The following TNFRSF11A variants were observed in gnomAD, a reference collection of about 807,000 sequenced individuals.
TNFRSF11A encodes the protein tumor necrosis factor receptor superfamily member 11A.
TNFRSF11A carries 32 observed loss-of-function variants against 55.7 expected under a neutral mutation model. The ratio of observed to expected loss-of-function variants is 0.57; its 90% CI spans 0.43 to 0.77. The LOEUF is 0.77. TNFRSF11A is among the 30% of genes least tolerant of loss of function. TNFRSF11A has a pLI of 0.00. For missense variants in TNFRSF11A, 753 were observed against 809.8 expected (o/e 0.93, Z 0.85); for synonymous variants, 311 against 331.0 (o/e 0.94, Z 0.65).
rs1004106827 is a variant in TNFRSF11A at position 62,350,083 on chromosome 18, T to G, written c.283+146T>G. On this transcript the variant is annotated intron_variant, in intron 3 of 9. Coordinates refer to ENST00000586569, the MANE Select transcript of TNFRSF11A (RefSeq NM_003839.4). ...GACTACACATCCCAAGAAAGATGCG[T>G]TTTAGATCCCCAAGGCCTCTGTTAA... 2.8e-6 allele frequency: 3 copies of G among 1,072,934 alleles called. No homozygotes were observed. In the African/African-American group the frequency reaches 4.8e-5, roughly 17 times the overall value. The allele number at this position is 1,072,934 out of a possible 1,614,324, so 66.5% of individuals were successfully genotyped here.
At chr18:62,366,078 A>G (rs1381541620) in intron 7 of TNFRSF11A, among the ~76,000 whole-genome samples, 1 of 152,236 alleles carries the variant, frequency 6.6e-6, no homozygotes, top group Admixed American at 6.5e-5. Flanking sequence ...TTGGCCTCCC[A>G]AAGTGCTGGC....
At position 62,325,549 on chromosome 18, in the gene TNFRSF11A, A is replaced by G. The variant is rs937122341; in HGVS notation, c.75+122A>G. 7 of 520,390 alleles carry G rather than the reference A, an allele frequency of 1.3e-5. No individual in the cohort carries two copies. 32.2% of individuals were successfully genotyped at this position (520,390 alleles called of 1,614,324 possible). Reference sequence around the variant, plus strand: ...TCCGAGAGGAGCCGGAGTTTTGGGGAGCGGAGGCCGTGGGAAGCTGGGGAG... The same window carrying G: ...TCCGAGAGGAGCCGGAGTTTTGGGGGGCGGAGGCCGTGGGAAGCTGGGGAG... On this transcript the variant is annotated intron_variant, in intron 1 of 9. Transcript: ENST00000586569. This position sits in a 1 kb window ranked among gnomAD's most constrained non-coding sequence, Gnocchi z 4.7.
Position 62,384,709 on chromosome 18 carries a change from G to C in TNFRSF11A, c.1568-42G>C. On this transcript the variant is annotated intron_variant, in intron 9 of 9. Transcript: ENST00000586569. ...CTCTCGGCAGACCCTGCCTCCGGGC[G>C]CTGACTCACCCTCCCCGTGTTCTCC... The C allele has an allele frequency of 1.9e-6, 3 of 1,600,896 alleles. No homozygotes were observed. In the East Asian group the frequency reaches 6.7e-5, roughly 36 times the overall value.
intron 1 of TNFRSF11A, among the ~76,000 whole-genome samples, chr18:62,328,361 T>C (rs1193780739): frequency 6.6e-6 from 1 of 150,712 alleles, no homozygotes; most frequent in Non-Finnish European, 1.5e-5. Flanking sequence ...GGAAGAAAGC[T>C]CCCTATGTTG....
chr18:62,332,226 G>A (rs2046165723), intron 1 of TNFRSF11A, among the ~76,000 whole-genome samples: 1 of 152,152 alleles, frequency 6.6e-6, no homozygotes, highest in African/African-American at 2.4e-5. Context: ...TCCCACAGAT[G>A]GGAAATGGAC....
intron 9 of TNFRSF11A, among the ~76,000 whole-genome samples, chr18:62,371,629 C>T (rs767275077): frequency 8.5e-5 from 13 of 152,304 alleles, no homozygotes; most frequent in Non-Finnish European, 1.6e-4. Flanking sequence ...CCGTGGTCGA[C>T]GCCAGCAAGC....
At chr18:62,360,070 T>C (rs1408015134) in intron 6 of TNFRSF11A, 21 bp downstream of exon 6, 4 of 1,607,438 alleles carry the variant, frequency 2.5e-6, no homozygotes, top group Admixed American at 1.7e-5. Flanking sequence ...AAAGAGCCTG[T>C]TGGTTGATAG....
Position 62,348,216 on chromosome 18 carries a change from C to T in TNFRSF11A, c.124C>T (p.His42Tyr), listed in dbSNP as rs1024921582. ...ATGTACCAGTGAGAAGCATTATGAG[C>T]ATCTGGGACGGTGCTGTAACAAATG... ...PPCTSEKHYE[H>Y]LGRCCNKCEP... The change falls in exon 2 of 10, where the codon CAT becomes TAT. Residue 42 changes from histidine (H) to tyrosine (Y), a missense_variant. His to Tyr is a moderately conservative substitution (Grantham distance 83). Transcript: ENST00000586569. 11 of 1,613,994 alleles carry T rather than the reference C, an allele frequency of 6.8e-6. No individual in the cohort carries two copies. The highest frequency in any genetic ancestry group is 2.7e-5 in the African/African-American group (2 of 74,890).
At chr18:62,364,026 T>C (rs1445530245) in intron 7 of TNFRSF11A, among the ~76,000 whole-genome samples, 1 of 152,178 alleles carries the variant, frequency 6.6e-6, no homozygotes, top group Non-Finnish European at 1.5e-5. Context: ...GGAGGAAGCA[T>C]CTTAGTGGGC....
At chr18:62,333,643 G>A (rs976466214) in intron 1 of TNFRSF11A, among the ~76,000 whole-genome samples, 1 of 152,170 alleles carries the variant, frequency 6.6e-6, no homozygotes, top group African/African-American at 2.4e-5. Context: ...CAGAGCTGGA[G>A]CTCCTACCAG....
In TNFRSF11A at chr18:62,361,010, C is replaced by T. The variant is rs567185308; in HGVS notation, c.617-670C>T. On this transcript the variant is annotated intron_variant, in intron 6 of 9. Coordinates refer to ENST00000586569, the MANE Select transcript of TNFRSF11A (RefSeq NM_003839.4). The stretch of plus-strand genomic sequence containing the variant: ...TTAAAGCATTCTGGATGTGGAGTTA[C>T]ACAATCAGAGCAAACTTTTTTAAAG... Among the ~76,000 whole-genome samples, 4 of 152,176 alleles carry T rather than the reference C, an allele frequency of 2.6e-5. No homozygotes were observed. In the East Asian group the frequency reaches 7.7e-4, roughly 29 times the overall value.
chr18:62,368,445 T>C (rs1226977763), intron 8 of TNFRSF11A, among the ~76,000 whole-genome samples: 1 of 152,222 alleles, frequency 6.6e-6, no homozygotes, highest in Non-Finnish European at 1.5e-5. Flanking sequence ...TTGGGTTAGC[T>C]CCTCTCCTTG....
chr18:62,343,949 ATACTC>A (rs530404658), intron 1 of TNFRSF11A, among the ~76,000 whole-genome samples: 103 of 152,342 alleles, frequency 6.8e-4, no homozygotes, highest in Middle Eastern at 3.4e-3. Flanking sequence ...ATTAAGAACT[ATACTC>A]TATCAATCCA....
At chr18:62,337,108 A>G (rs893880248) in intron 1 of TNFRSF11A, among the ~76,000 whole-genome samples, 3 of 151,930 alleles carry the variant, frequency 2.0e-5, no homozygotes, top group Non-Finnish European at 4.4e-5. Flanking sequence ...AGAATGGTGA[A>G]TATGTCAGGA....
chr18:62,342,382 A>T (rs949043460), intron 1 of TNFRSF11A, among the ~76,000 whole-genome samples: 3 of 125,654 alleles, frequency 2.4e-5, no homozygotes, highest in African/African-American at 9.2e-5. Context: ...AGCCTGGGTG[A>T]CAGAGTGAGA....
chr18:62,349,953 C>CA lies in TNFRSF11A; in HGVS notation c.283+17dup. On this transcript the variant is annotated intron_variant, in intron 3 of 9. Transcript: ENST00000586569. ...TGTGATACAGGTGAGCCCGTCCTGTCAGTGTGTCAGTGGGAAGTGTAGAAA... is the reference window on the plus strand; with the variant it reads ...TGTGATACAGGTGAGCCCGTCCTGTCAAGTGTGTCAGTGGGAAGTGTAGAAA... 6.2e-7 allele frequency: 1 copy of CA among 1,613,518 alleles called. No individual in the cohort carries two copies. The highest frequency in any genetic ancestry group is 1.1e-5 in the South Asian group (1 of 91,016).
At position 62,325,662 on chromosome 18, in the gene TNFRSF11A, C is replaced by T. The variant is rs1568468046; in HGVS notation, c.75+235C>T. 1.3e-5 allele frequency among the ~76,000 whole-genome samples: 2 copies of T among 152,194 alleles called. No individual in the cohort carries two copies. Among genetic ancestry groups the T allele is most frequent in the Non-Finnish European group, 2.9e-5 (2 of 68,026 alleles). On this transcript the variant is annotated intron_variant, in intron 1 of 9. Transcript: ENST00000586569. This position sits in a 1 kb window ranked among gnomAD's most constrained non-coding sequence, Gnocchi z 4.7. ...AAGGAGCAGGTTGGCGGGACCGCAA[C>T]ACCCGAAACGGGCTCTTCCAAAAGC...
chr18:62,385,136 A>G lies in TNFRSF11A; in HGVS notation c.*102A>G. On this transcript the variant is annotated 3_prime_UTR_variant, in exon 10 of 10. Coordinates refer to ENST00000586569, the MANE Select transcript of TNFRSF11A (RefSeq NM_003839.4). ...CGGCCACCCAGGGATCGATCGGTACAGTCGAGGAAGACCACCCGGCATTCT... is the reference window on the plus strand; with the variant it reads ...CGGCCACCCAGGGATCGATCGGTACGGTCGAGGAAGACCACCCGGCATTCT... The G allele has an allele frequency of 7.8e-7, 1 of 1,283,984 alleles. No individual in the cohort carries two copies. The highest frequency in any genetic ancestry group is 2.9e-4 in the Middle Eastern group (1 of 3,480). 79.5% of individuals were successfully genotyped at this position (1,283,984 alleles called of 1,614,324 possible). A position where few individuals can be genotyped will look rare whatever the true frequency, so the allele number is the denominator to read the frequency against.
chr18:62,353,083 A>G (rs2046497172), intron 3 of TNFRSF11A, among the ~76,000 whole-genome samples: 1 of 152,152 alleles, frequency 6.6e-6, no homozygotes, highest in South Asian at 2.1e-4. Context: ...GACTGTGGTT[A>G]TGCACAGTAG....
Sources: allele counts gnomAD v4.1 joint callset (sites outside exome capture counted in the v4.1 genomes callset), GRCh38; gene constraint gnomAD v4.1.1; non-coding constraint Gnocchi (gnomAD v3.1); transcripts MANE v1.5; gene names NCBI Gene and HGNC (gene_info 2026-07-23, HGNC 2026-07-21).